The following FARP1 variants were observed in gnomAD, a reference collection of about 807,000 sequenced individuals.
FARP1 encodes FERM, ARHGEF and pleckstrin domain-containing protein 1.
FARP1 carries 52 observed loss-of-function variants against 128.8 expected under a neutral mutation model. The ratio of observed to expected loss-of-function variants is 0.40; its 90% confidence interval spans 0.32 to 0.51. FARP1 has a LOEUF of 0.51. Among genes scored for constraint, FARP1 ranks in the 20% least tolerant of loss-of-function variants. The pLI, the probability that FARP1 is intolerant of heterozygous loss-of-function variation, is 0.45. For missense variants in FARP1, 1,333 were observed against 1,367.9 expected (o/e 0.97, Z 0.40); for synonymous variants, 580 against 551.8 (o/e 1.05, Z -0.72).
chr13:98,350,762 C>T (rs1010931748), intron 3 of FARP1, among the ~76,000 whole-genome samples: 1 of 152,276 alleles, frequency 6.6e-6, no homozygotes. Context: ...CTTCCCCTCC[C>T]CGGGCTAGCC....
chr13:98,451,051 A>C lies in FARP1; in HGVS notation c.*2734A>C, dbSNP rs941490304. The C allele has an allele frequency of 6.6e-5, 10 of 152,202 alleles. No homozygotes were observed. The highest frequency in any genetic ancestry group is 2.4e-4 in the African/African-American group (10 of 41,434). The allele number at this position is 152,202 out of a possible 1,614,324, so 9.4% of individuals were successfully genotyped here. A position where few individuals can be genotyped will look rare whatever the true frequency, so the allele number is the denominator to read the frequency against. Reference sequence around the variant, plus strand: ...GCGACTGCAGAGACTCCCCGTTCATACCAGTATTCATTAGAACCCAGTCCC... The same window carrying C: ...GCGACTGCAGAGACTCCCCGTTCATCCCAGTATTCATTAGAACCCAGTCCC... On this transcript the variant is annotated 3_prime_UTR_variant, in exon 27 of 27. Transcript: ENST00000319562.
At chr13:98,311,207 C>T (rs1242532100) in intron 2 of FARP1, among the ~76,000 whole-genome samples, 3 of 152,238 alleles carry the variant, frequency 2.0e-5, no homozygotes, top group Non-Finnish European at 4.4e-5. Context: ...TACTGCAAAC[C>T]TGCAAGCTTC....
At chr13:98,158,235 C>T (rs534377543) in intron 1 of FARP1, among the ~76,000 whole-genome samples, 14 of 152,010 alleles carry the variant, frequency 9.2e-5, no homozygotes, top group African/African-American at 3.1e-4. Context: ...CTATTTTTTT[C>T]GGAGTGCATG....
intron 2 of FARP1, among the ~76,000 whole-genome samples, chr13:98,326,704 C>G (rs1358685834): frequency 6.6e-6 from 1 of 152,032 alleles, no homozygotes; most frequent in Non-Finnish European, 1.5e-5. Context: ...TTTCTGTTGG[C>G]ATAATTCTTT....
Position 98,272,807 on chromosome 13 carries a change from C to A in FARP1, c.171+59394C>A, listed in dbSNP as rs112034717. On this transcript the variant is annotated intron_variant, in intron 2 of 26. Coordinates refer to ENST00000319562, the MANE Select transcript of FARP1 (RefSeq NM_005766.4). ...TAGTGAGGATTATAAGGATTGGGCT[C>A]AGAGTGGGGCCATGGGGCAGAAAGA... Among the ~76,000 whole-genome samples the A allele has an allele frequency of 7.1e-3, 1,075 of 152,268 alleles. 14 individuals carry two copies. The highest frequency in any genetic ancestry group is 0.025 in the African/African-American group (1,030 of 41,550).
chr13:98,395,553 C>T (rs1890496507), intron 13 of FARP1, 77 bp downstream of exon 13: 1 of 1,466,110 alleles, frequency 6.8e-7, no homozygotes, highest in East Asian at 2.3e-5. Flanking sequence ...ATAGCGAATA[C>T]GACCTTCTTA....
intron 13 of FARP1, chr13:98,395,723 G>C (rs765400283): frequency 6.9e-6 from 3 of 433,592 alleles, no homozygotes; most frequent in Non-Finnish European, 1.2e-5. Flanking sequence ...AAGTCCTCCC[G>C]GCCTCCTTCC....
chr13:98,270,548 C>A (rs1255584562), intron 2 of FARP1, among the ~76,000 whole-genome samples: 1 of 152,142 alleles, frequency 6.6e-6, no homozygotes, highest in African/African-American at 2.4e-5. Context: ...GACGCAGCTC[C>A]CTTCCTAGAA....
intron 6 of FARP1, among the ~76,000 whole-genome samples, chr13:98,381,967 A>G (rs1390277674): frequency 1.3e-5 from 2 of 152,110 alleles, no homozygotes; most frequent in East Asian, 1.9e-4. Flanking sequence ...AGCCTAGGCA[A>G]CATAGTGAGA....
intron 1 of FARP1, among the ~76,000 whole-genome samples, chr13:98,191,736 A>G (rs1317807385): frequency 6.6e-6 from 1 of 152,154 alleles, no homozygotes; most frequent in African/African-American, 2.4e-5. Flanking sequence ...TGAGGTTAGG[A>G]GTTTGAGACC....
intron 15 of FARP1, among the ~76,000 whole-genome samples, 200 bp downstream of exon 15, chr13:98,411,023 A>G (rs1182321709): frequency 6.6e-6 from 1 of 152,210 alleles, no homozygotes; most frequent in African/African-American, 2.4e-5. Flanking sequence ...GATAATGATG[A>G]TTTTCAAGTG....
intron 2 of FARP1, among the ~76,000 whole-genome samples, chr13:98,248,251 CTG>C (rs1883163854): frequency 7.6e-6 from 1 of 131,762 alleles, no homozygotes; most frequent in Non-Finnish European, 1.6e-5. Context: ...CTGAAATATT[CTG>C]TGATTTTTGA....
At chr13:98,209,525 G>A (rs1275146117) in intron 1 of FARP1, among the ~76,000 whole-genome samples, 3 of 144,368 alleles carry the variant, frequency 2.1e-5, no homozygotes, top group South Asian at 2.2e-4. Flanking sequence ...GGCTGGGCAC[G>A]GTGGGTCACG....
chr13:98,287,208 CTTTTTTTTTTTTTTTTTTTTTTTTTT>C (rs71111939), intron 2 of FARP1, among the ~76,000 whole-genome samples: 15 of 75,814 alleles, frequency 2.0e-4, no homozygotes, highest in African/African-American at 6.6e-4. Context: ...TCAGACATGT[CTTTTTTTTTTTTTTTTTTTTTTTTTT>C]TTTTTTTTTT....
intron 2 of FARP1, chr13:98,334,397 A>C (rs1292001481): frequency 6.6e-6 from 1 of 152,190 alleles, no homozygotes; most frequent in Non-Finnish European, 1.5e-5. Context: ...ACACAGGCAG[A>C]AGGGCAGTGT....
Position 98,438,806 on chromosome 13 carries a change from G to T in FARP1, c.2277G>T (p.Glu759Asp). ...GIDNLVVPGR[E>D]FIRLGSLSKL... ...CCTCCGGTCTGTCTCCCCTGCAGGA[G>T]TTCATCCGTCTGGGCAGCCTCAGCA... The change falls in exon 20 of 27, where the codon GAG becomes GAT. Residue 759 changes from glutamate (E) to aspartate (D), a missense_variant and splice_region_variant. By Grantham distance (45) the Glu-to-Asp change is conservative. Coordinates refer to ENST00000319562, the MANE Select transcript of FARP1 (RefSeq NM_005766.4). The T allele has an allele frequency of 1.2e-6, 2 of 1,612,516 alleles. No homozygotes were observed. The highest frequency in any genetic ancestry group is 1.7e-6 in the Non-Finnish European group (2 of 1,179,854).
At chr13:98,245,620 C>T (rs1417757394) in intron 2 of FARP1, among the ~76,000 whole-genome samples, 2 of 152,126 alleles carry the variant, frequency 1.3e-5, no homozygotes, top group Non-Finnish European at 2.9e-5. Flanking sequence ...ATTATTAATA[C>T]AAGAGGAATC....
intron 16 of FARP1, among the ~76,000 whole-genome samples, chr13:98,416,692 C>T (rs1309836074): frequency 6.6e-6 from 1 of 152,196 alleles, no homozygotes; most frequent in Non-Finnish European, 1.5e-5. Flanking sequence ...GGCGTGCAGT[C>T]AGGACTCCCA....
At chr13:98,257,407 C>T (rs552085777) in intron 2 of FARP1, among the ~76,000 whole-genome samples, 1 of 152,108 alleles carries the variant, frequency 6.6e-6, no homozygotes, top group Admixed American at 6.6e-5. Flanking sequence ...TGTTTTGTTA[C>T]CTTCTCCTCA....
Sources: allele counts gnomAD v4.1 joint callset (sites outside exome capture counted in the v4.1 genomes callset), GRCh38; gene constraint gnomAD v4.1.1; transcripts MANE v1.5; gene names NCBI Gene and HGNC (gene_info 2026-07-23, HGNC 2026-07-21).